LAMB1: variants seen among roughly 807,000 people sequenced by gnomAD.
LAMB1 encodes the protein laminin subunit beta-1.
In LAMB1, 121 loss-of-function variants were observed where a neutral mutation model predicts 222.3. The ratio of observed to expected loss-of-function variants is 0.54; its 90% CI spans 0.47 to 0.63. The LOEUF (loss-of-function observed/expected upper bound fraction) is 0.63. Among genes scored for constraint, LAMB1 ranks in the 30% least tolerant of loss-of-function variants. LAMB1 has a pLI of 0.00. For synonymous variants in LAMB1, 794 were observed against 807.2 expected, an observed-to-expected ratio of 0.98 and a Z score of 0.28; for missense variants, 2,172 against 2,240.8, an observed-to-expected ratio of 0.97 and a Z score of 0.62.
At chr7:107,997,703 G>C (rs1277644370) in intron 4 of LAMB1, among the ~76,000 whole-genome samples, 1 of 152,148 alleles carries the variant, frequency 6.6e-6, no homozygotes, top group Non-Finnish European at 1.5e-5. Context: ...CAGCATTCGA[G>C]TTTGAAACAA....
At position 107,928,950 on chromosome 7, in the gene LAMB1, G is replaced by C. The variant is rs908424287; in HGVS notation, c.4887+114C>G. 6 of 1,008,216 alleles carry C rather than the reference G, an allele frequency of 6.0e-6. No individual in the cohort carries two copies. In the African/African-American group the frequency reaches 9.8e-5, roughly 16 times the overall value. 62.5% of individuals were successfully genotyped at this position (1,008,216 alleles called of 1,614,324 possible). ...AACGGAGTAGTTTAGATTTATTAAA[G>C]GAATCCTTTAATGTTGAGTTGTAAG... is the stretch of plus-strand genomic sequence containing the variant. On this transcript the variant is annotated intron_variant, in intron 31 of 33. Coordinates refer to ENST00000222399, the MANE Select transcript of LAMB1 (RefSeq NM_002291.3).
chr7:107,952,680 G>A (rs1223086385), intron 22 of LAMB1, among the ~76,000 whole-genome samples: 1 of 152,150 alleles, frequency 6.6e-6, no homozygotes, highest in Non-Finnish European at 1.5e-5. Flanking sequence ...CTGGTCCCTA[G>A]CATTCCACAC....
intron 24 of LAMB1, among the ~76,000 whole-genome samples, chr7:107,946,709 G>A (rs1286477528): frequency 3.3e-5 from 5 of 152,204 alleles, no homozygotes; most frequent in African/African-American, 4.8e-5. Context: ...CTAAAGAATC[G>A]AATGAAGTCT....
intron 20 of LAMB1, among the ~76,000 whole-genome samples, chr7:107,955,878 A>C (rs1449866863): frequency 1.3e-5 from 2 of 150,142 alleles, no homozygotes; most frequent in Non-Finnish European, 3.0e-5. Context: ...GACTACAGGC[A>C]CACACCACCA....
chr7:107,975,479 A>G, intron 10 of LAMB1, 66 bp from the exon 11 acceptor site: 2 of 1,431,562 alleles, frequency 1.4e-6, no homozygotes, highest in East Asian at 4.8e-5. Flanking sequence ...GTATAAATAC[A>G]TATATTCCCT....
intron 28 of LAMB1, 75 bp from the exon 29 acceptor site, chr7:107,931,575 C>G (rs2032712518): frequency 1.5e-6 from 2 of 1,354,036 alleles, no homozygotes; most frequent in Non-Finnish European, 1.0e-6. Context: ...GGAAATGGCT[C>G]AAAAATGATG....
At chr7:107,995,748 C>T (rs2034269896) in intron 4 of LAMB1, among the ~76,000 whole-genome samples, 1 of 152,184 alleles carries the variant, frequency 6.6e-6, no homozygotes, top group African/African-American at 2.4e-5. Context: ...TCAAGCCTGC[C>T]TGTTCAGCAA....
At chr7:107,976,194 C>A (rs908882766) in intron 9 of LAMB1, among the ~76,000 whole-genome samples, 1 of 152,176 alleles carries the variant, frequency 6.6e-6, no homozygotes, top group African/African-American at 2.4e-5. Flanking sequence ...TGGCTGCCAT[C>A]CCACTGAGGG....
intron 32 of LAMB1, among the ~76,000 whole-genome samples, chr7:107,924,932 C>T (rs2032525024): frequency 6.6e-6 from 1 of 152,134 alleles, no homozygotes; most frequent in South Asian, 2.1e-4. Context: ...AGAAACTGTT[C>T]AAATAGCCAT....
chr7:107,961,127 T>A, intron 17 of LAMB1, 79 bp downstream of exon 17: 1 of 1,571,350 alleles, frequency 6.4e-7, no homozygotes, highest in Non-Finnish European at 8.7e-7. Context: ...GCATTACCCC[T>A]CAACAAAACA....
intron 9 of LAMB1, among the ~76,000 whole-genome samples, chr7:107,977,833 ACTC>A (rs992501004): frequency 3.9e-4 from 60 of 152,214 alleles, no homozygotes; most frequent in African/African-American, 1.4e-3. Context: ...CTGCCAAACT[ACTC>A]AGCTCAGTGT....
chr7:107,963,208 G>A (rs773459408), intron 14 of LAMB1, 145 bp from the exon 15 acceptor site: 3 of 743,764 alleles, frequency 4.0e-6, no homozygotes, highest in Non-Finnish European at 6.4e-6. Context: ...TCCCCTAATA[G>A]ATTGTAAAAA....
chr7:107,938,364 A>G (rs2032899772), intron 25 of LAMB1, among the ~76,000 whole-genome samples: 1 of 152,192 alleles, frequency 6.6e-6, no homozygotes, highest in Non-Finnish European at 1.5e-5. Context: ...TTTATTAATT[A>G]TATGACTCAC....
rs753663712 is a variant in LAMB1 at position 107,986,324 on chromosome 7, C to T, written c.463G>A (p.Asp155Asn). The T allele has an allele frequency of 3.2e-5, 52 of 1,609,154 alleles. No individual in the cohort carries two copies. In the South Asian group the frequency reaches 5.1e-4, roughly 16 times the overall value. ...PAAMLIERSSDFGKTWGVYRY... is the reference protein window; with the variant it reads ...PAAMLIERSSNFGKTWGVYRY... ...TACACACCCCAGGTTTTCCCAAAGT[C>T]GGACGATCGTTCTATCAGCATAGCA... Residue 155 changes from aspartate (D) to asparagine (N), a missense_variant, in exon 6 of 34, where the codon GAC becomes AAC. Asp to Asn is a conservative substitution (Grantham distance 23). Transcript: ENST00000222399.
intron 26 of LAMB1, 78 bp downstream of exon 26, chr7:107,937,015 C>T: frequency 4.1e-6 from 5 of 1,205,298 alleles, no homozygotes; most frequent in East Asian, 2.5e-5. Context: ...TTTTTTTTTC[C>T]CCAAAAGTGC....
At chr7:107,944,873 G>A (rs2033083137) in intron 24 of LAMB1, among the ~76,000 whole-genome samples, 1 of 152,190 alleles carries the variant, frequency 6.6e-6, no homozygotes, top group Non-Finnish European at 1.5e-5. Flanking sequence ...ACTGTGAACT[G>A]ACTATTCAGG....
intron 13 of LAMB1, among the ~76,000 whole-genome samples, chr7:107,971,966 A>C (rs1447436780): frequency 6.6e-6 from 1 of 152,208 alleles, no homozygotes; most frequent in African/African-American, 2.4e-5. Flanking sequence ...AAAGGATTCA[A>C]CATGTGTTCT....
intron 24 of LAMB1, among the ~76,000 whole-genome samples, chr7:107,949,584 G>A (rs141659547): frequency 7.2e-5 from 11 of 152,340 alleles, no homozygotes; most frequent in African/African-American, 2.4e-4. Context: ...TCTAATGGAA[G>A]AGGGGATGTC....
intron 24 of LAMB1, among the ~76,000 whole-genome samples, chr7:107,949,824 A>G (rs1033144952): frequency 5.3e-5 from 8 of 152,190 alleles, no homozygotes; most frequent in Non-Finnish European, 8.8e-5. Flanking sequence ...GAAGGAACAC[A>G]GTTTCTAGGT....
Sources: gnomAD v4.1 joint callset for allele counts (sites outside exome capture counted in the v4.1 genomes callset) on GRCh38, gnomAD v4.1.1 for gene constraint, MANE v1.5 for transcripts, NCBI Gene and HGNC (gene_info 2026-07-23, HGNC 2026-07-21) for gene names.